Variants in HAPSTR1 observed in about 807,000 individuals in gnomAD.
The protein encoded by HAPSTR1 is HUWE1 associated protein modifying stress responses.
chr16:9,093,688 T>G, the HAPSTR1 span, among the ~76,000 whole-genome samples: 1 of 152,206 alleles, frequency 6.6e-6, no homozygotes, highest in Admixed American at 6.5e-5. Context: ...CATAGGTTTG[T>G]TTTATGGTGG....
chr16:9,107,300 T>A, the HAPSTR1 span: 1 of 152,244 alleles, frequency 6.6e-6, no homozygotes, highest in African/African-American at 2.4e-5. Flanking sequence ...CATAGAGCGA[T>A]TCCTTTTTCT....
chr16:9,099,955 G>A, the HAPSTR1 span, among the ~76,000 whole-genome samples: 1 of 152,142 alleles, frequency 6.6e-6, no homozygotes, highest in Non-Finnish European at 1.5e-5. Flanking sequence ...TTTGTATTTT[G>A]GGAAATAACT....
chr16:9,119,473 T>A, the HAPSTR1 span: 2 of 152,272 alleles, frequency 1.3e-5, no homozygotes, highest in Non-Finnish European at 2.9e-5. Context: ...TCCTTAGTTC[T>A]GCTCCTGTCG....
the HAPSTR1 span, chr16:9,116,580 G>A: frequency 6.7e-7 from 1 of 1,503,194 alleles, no homozygotes. Flanking sequence ...GACATGCTTT[G>A]ACATTGTGAC....
the HAPSTR1 span, chr16:9,117,037 T>C: frequency 3.6e-6 from 5 of 1,390,520 alleles, no homozygotes; most frequent in Non-Finnish European, 4.8e-6. Flanking sequence ...GTGAATTCTA[T>C]AGTGGTTGCC....
chr16:9,104,757 A>C, the HAPSTR1 span: 10 of 152,312 alleles, frequency 6.6e-5, no homozygotes, highest in African/African-American at 2.2e-4. Flanking sequence ...AATGGGATTG[A>C]TCTGTTTATG....
chr16:9,112,952 A>G, the HAPSTR1 span: 38 of 151,876 alleles, frequency 2.5e-4, no homozygotes, highest in Middle Eastern at 3.4e-3. Context: ...GCCCTTTTGA[A>G]AAAGTATGTT....
the HAPSTR1 span, among the ~76,000 whole-genome samples, chr16:9,092,599 G>A: frequency 6.6e-6 from 1 of 152,100 alleles, no homozygotes; most frequent in African/African-American, 2.4e-5. Context: ...ATGGCGAAGG[G>A]AGACGGCGGG....
the HAPSTR1 span, among the ~76,000 whole-genome samples, chr16:9,114,991 A>G: frequency 1.9e-3 from 289 of 152,288 alleles, no homozygotes; most frequent in African/African-American, 6.8e-3. Flanking sequence ...GACCACCAGC[A>G]GGAGGGGAGG....
the HAPSTR1 span, chr16:9,091,823 G>C: frequency 5.1e-6 from 2 of 393,510 alleles, no homozygotes; most frequent in Non-Finnish European, 4.5e-6. Context: ...GCCGGGCCCG[G>C]GGGTGGGAAG....
At chr16:9,118,451 G>C in the HAPSTR1 span, 1 of 152,600 alleles carries the variant, frequency 6.6e-6, no homozygotes. Context: ...TCATTGACTG[G>C]GTGGGATGTG....
At chr16:9,106,290 A>AG in the HAPSTR1 span, 46 of 149,182 alleles carry the variant, frequency 3.1e-4, no homozygotes, top group African/African-American at 1.1e-3. Context: ...GTTATCAAAT[A>AG]GGTTTTTTTT....
the HAPSTR1 span, chr16:9,113,247 G>T: frequency 6.6e-6 from 1 of 151,856 alleles, no homozygotes; most frequent in Non-Finnish European, 1.5e-5. Context: ...GGAAGATTAG[G>T]TAGGCAGACT....
At chr16:9,104,281 T>G in the HAPSTR1 span, 2 of 152,158 alleles carry the variant, frequency 1.3e-5, no homozygotes, top group East Asian at 1.9e-4. Flanking sequence ...GCCGGCTAAT[T>G]TTTTAGAGAC....
At chr16:9,091,754 CAGGCTGCGGCGGCCG>C in the HAPSTR1 span, 1 of 397,804 alleles carries the variant, frequency 2.5e-6, no homozygotes, top group Admixed American at 4.4e-5. Context: ...GGGCGTTAGA[CAGGCTGCGGCGGCCG>C]AGGCGAGGGG....
At chr16:9,108,232 T>G in the HAPSTR1 span, 1 of 152,120 alleles carries the variant, frequency 6.6e-6, no homozygotes, top group African/African-American at 2.4e-5. Flanking sequence ...GAAGAAAGCC[T>G]TACTTGGCTA....
chr16:9,095,312 T>C, the HAPSTR1 span, among the ~76,000 whole-genome samples: 2 of 152,182 alleles, frequency 1.3e-5, no homozygotes, highest in African/African-American at 4.8e-5. Context: ...CATACAGCTG[T>C]AGGAATAATT....
the HAPSTR1 span, chr16:9,103,838 G>T: frequency 6.5e-6 from 1 of 152,814 alleles, no homozygotes; most frequent in Non-Finnish European, 1.5e-5. Flanking sequence ...ATCTCCCCAG[G>T]CCAGACCTGT....
the HAPSTR1 span, chr16:9,109,941 TC>T: frequency 6.6e-6 from 1 of 152,152 alleles, no homozygotes. Context: ...TTTACTATTG[TC>T]CTTTATTTAC....
Sources: gnomAD v4.1 joint callset for allele counts (sites outside exome capture counted in the v4.1 genomes callset) on GRCh38, gnomAD v4.1.1 for gene constraint, MANE v1.5 for transcripts, NCBI Gene and HGNC (gene_info 2026-07-23, HGNC 2026-07-21) for gene names.